Variants in GRIA3 observed in about 807,000 individuals in gnomAD.
The protein encoded by GRIA3 is glutamate receptor 3.
Under a neutral mutation model 63.0 loss-of-function variants are expected in GRIA3, and 3 were observed. That is an observed-to-expected ratio of 0.05 (90% CI 0.02 to 0.12). GRIA3 has a LOEUF of 0.12. GRIA3 is among the 10% of genes least tolerant of loss of function. GRIA3 has a pLI of 1.00. For missense variants in GRIA3, 347 were observed against 700.9 expected, an observed-to-expected ratio of 0.50 and a Z score of 5.70; for synonymous variants, 274 against 257.9, an observed-to-expected ratio of 1.06 and a Z score of -0.60.
At chrX:123,222,490 A>T (rs954689228) in intron 2 of GRIA3, among the ~76,000 whole-genome samples, 1 of 112,199 alleles carries the variant, frequency 8.9e-6, no homozygotes, top group South Asian at 3.7e-4. Context: ...CTAGTCTCAT[A>T]TCTAATACCA....
rs1386620667 is a variant in GRIA3, at chrX:123,436,738, A to G, written c.2076+8599A>G. On this transcript the variant is annotated intron_variant, in intron 12 of 15. Coordinates refer to ENST00000620443, the MANE Select transcript of GRIA3 (RefSeq NM_007325.5). ...ACAGCATCAGGGTAATTAACATCAC[A>G]CAGGACCCCCAGATCTTTGTAAGAA... 3.6e-5 allele frequency among the ~76,000 whole-genome samples: 4 copies of G among 111,641 alleles called. No individual in the cohort carries two copies. The Admixed American group carries it at 3.8e-4, about 11-fold the overall frequency.
intron 10 of GRIA3, 97 bp downstream of exon 10, chrX:123,405,011 G>C (rs1419707275): frequency 1.4e-5 from 9 of 662,519 alleles, no homozygotes; most frequent in Non-Finnish European, 2.3e-5. Context: ...TTATCCAATT[G>C]TATAGTTTAC....
At chrX:123,434,085 A>G (rs1313216311) in intron 12 of GRIA3, among the ~76,000 whole-genome samples, 1 of 111,506 alleles carries the variant, frequency 9.0e-6, no homozygotes, top group African/African-American at 3.3e-5. Flanking sequence ...AGGGCTTTTG[A>G]AGTATATGCA....
chrX:123,254,921 C>G (rs1447981961), intron 3 of GRIA3, among the ~76,000 whole-genome samples: 8 of 111,653 alleles, frequency 7.2e-5, no homozygotes, highest in African/African-American at 2.6e-4. Context: ...CAGCTACTGA[C>G]ACTTTGTATC....
chrX:123,201,063 T>G (rs1483912061), intron 2 of GRIA3, among the ~76,000 whole-genome samples: 1 of 112,131 alleles, frequency 8.9e-6, no homozygotes, highest in African/African-American at 3.2e-5. Context: ...TGGTAAAAAT[T>G]GAAAGATAAA....
intron 3 of GRIA3, among the ~76,000 whole-genome samples, chrX:123,287,340 T>C (rs1460156082): frequency 2.7e-5 from 3 of 111,882 alleles, no homozygotes; most frequent in Non-Finnish European, 3.8e-5. Flanking sequence ...AAGCATTCCC[T>C]TTGAAAAGAG....
intron 9 of GRIA3, among the ~76,000 whole-genome samples, chrX:123,404,379 T>G (rs1569431358): frequency 1.8e-5 from 2 of 110,809 alleles, no homozygotes; most frequent in Non-Finnish European, 3.8e-5. Context: ...TGAAAGGCAC[T>G]TCACCATCAT....
At chrX:123,367,953 A>G (rs780387019) in intron 5 of GRIA3, among the ~76,000 whole-genome samples, 1 of 112,322 alleles carries the variant, frequency 8.9e-6, no homozygotes, top group Non-Finnish European at 1.9e-5. Flanking sequence ...TAGTAATCAT[A>G]TACTTTTTTC....
chrX:123,399,228 T>C (rs1290491868), intron 7 of GRIA3, among the ~76,000 whole-genome samples: 1 of 112,043 alleles, frequency 8.9e-6, no homozygotes, highest in Non-Finnish European at 1.9e-5. Flanking sequence ...CAGCATCCTC[T>C]GGCTCATCAG....
intron 11 of GRIA3, among the ~76,000 whole-genome samples, chrX:123,424,561 T>C (rs2045580589): frequency 8.9e-6 from 1 of 111,954 alleles, no homozygotes; most frequent in African/African-American, 3.2e-5. Context: ...TGCTGAGGTA[T>C]GCAGGTACTG....
At chrX:123,337,211 C>T (rs1228763900) in intron 4 of GRIA3, among the ~76,000 whole-genome samples, 1 of 111,539 alleles carries the variant, frequency 9.0e-6, no homozygotes, top group Non-Finnish European at 1.9e-5. Flanking sequence ...ACTATGATCA[C>T]CATAAAGGTT....
In GRIA3 at chrX:123,201,876, G is replaced by A. The variant is rs141010931; in HGVS notation, c.268+15886G>A. ...GGCGCAGGAAAGTGATGGGTCGGGG[G>A]AGGATTCAGTCAGGGCGAATGACCT... is the stretch of plus-strand genomic sequence containing the variant. On this transcript the variant is annotated intron_variant, in intron 2 of 15. Coordinates refer to ENST00000620443, the MANE Select transcript of GRIA3 (RefSeq NM_007325.5). 4.4e-3 allele frequency among the ~76,000 whole-genome samples: 492 copies of A among 111,709 alleles called. 3 individuals carry two copies. The highest frequency in any genetic ancestry group is 0.015 in the African/African-American group (460 of 30,728).
At chrX:123,411,861 G>A (rs775273463) in intron 10 of GRIA3, among the ~76,000 whole-genome samples, 1 of 110,869 alleles carries the variant, frequency 9.0e-6, no homozygotes, top group East Asian at 2.9e-4. Context: ...TACCCACCTA[G>A]GTTTCTGAAA....
intron 14 of GRIA3, among the ~76,000 whole-genome samples, chrX:123,481,096 C>G (rs972313491): frequency 1.4e-4 from 16 of 111,742 alleles, no homozygotes; most frequent in African/African-American, 4.6e-4. Flanking sequence ...TTAAATAATA[C>G]ATGGAACTTG....
chrX:123,440,260 T>C (rs1453820244), intron 12 of GRIA3, among the ~76,000 whole-genome samples: 2 of 112,618 alleles, frequency 1.8e-5, no homozygotes, highest in Non-Finnish European at 1.9e-5. Context: ...TAAACATTCA[T>C]GTTCATGTGT....
intron 2 of GRIA3, among the ~76,000 whole-genome samples, chrX:123,189,222 C>T (rs1208503694): frequency 8.9e-6 from 1 of 112,454 alleles, no homozygotes; most frequent in Non-Finnish European, 1.9e-5. Context: ...AGCTAGATAA[C>T]CCCAGAACCA....
intron 2 of GRIA3, 136 bp downstream of exon 2, chrX:123,186,126 T>C (rs1927267503): frequency 1.8e-6 from 1 of 548,744 alleles, no homozygotes; most frequent in Non-Finnish European, 3.2e-6. Context: ...TCCATCCGGT[T>C]TCATGTTGCA....
intron 3 of GRIA3, among the ~76,000 whole-genome samples, chrX:123,319,968 A>C (rs1217683018): frequency 1.8e-5 from 2 of 112,162 alleles, no homozygotes; most frequent in African/African-American, 6.5e-5. Context: ...CACTTTGAGA[A>C]ATCATTATTT....
At chrX:123,307,635 A>G (rs749498800) in intron 3 of GRIA3, among the ~76,000 whole-genome samples, 2 of 111,803 alleles carry the variant, frequency 1.8e-5, no homozygotes, top group East Asian at 5.7e-4. Context: ...AGAGTTTCAT[A>G]TCAGATGCCC....
Sources: allele counts gnomAD v4.1 joint callset (sites outside exome capture counted in the v4.1 genomes callset), GRCh38; gene constraint gnomAD v4.1.1; transcripts MANE v1.5; gene names NCBI Gene and HGNC (gene_info 2026-07-23, HGNC 2026-07-21).